The following NCOA2 variants were observed in gnomAD, a reference collection of about 807,000 sequenced individuals.
NCOA2 encodes the protein class E basic helix-loop-helix protein 75.
NCOA2 carries 21 observed loss-of-function variants against 145.1 expected under a neutral mutation model. The ratio of observed to expected loss-of-function variants is 0.14; its 90% confidence interval spans 0.10 to 0.21. The LOEUF is 0.21. Ranked by LOEUF, NCOA2 falls within the 10% of genes least tolerant of loss-of-function variation. NCOA2 has a pLI of 1.00. For synonymous variants in NCOA2, 619 were observed against 637.5 expected (o/e 0.97, Z 0.44); for missense variants, 1,472 against 1,837.6 (o/e 0.80, Z 3.64).
chr8:70,345,630 T>G (rs116098119), intron 1 of NCOA2, among the ~76,000 whole-genome samples: 434 of 152,336 alleles, frequency 2.8e-3, no homozygotes, highest in African/African-American at 9.4e-3. Context: ...ATCAACTTAT[T>G]GTGCTTAGTA....
At chr8:70,349,413 A>G (rs1312218992) in intron 1 of NCOA2, among the ~76,000 whole-genome samples, 1 of 152,190 alleles carries the variant, frequency 6.6e-6, no homozygotes, top group Non-Finnish European at 1.5e-5. Flanking sequence ...AAATTATCTC[A>G]AGTTAAATTT....
chr8:70,320,238 G>T (rs911259093), intron 1 of NCOA2, among the ~76,000 whole-genome samples: 3 of 151,590 alleles, frequency 2.0e-5, no homozygotes, highest in African/African-American at 7.3e-5. Context: ...TATATATCTG[G>T]GTCTGTTAAA....
At chr8:70,230,300 G>A (rs1182428208) in intron 2 of NCOA2, among the ~76,000 whole-genome samples, 3 of 152,190 alleles carry the variant, frequency 2.0e-5, no homozygotes, top group Non-Finnish European at 4.4e-5. Context: ...AAGGAGATTG[G>A]TGGCTGCCAA....
chr8:70,389,314 C>T (rs1323794262), intron 1 of NCOA2, among the ~76,000 whole-genome samples: 2 of 151,876 alleles, frequency 1.3e-5, no homozygotes, highest in Non-Finnish European at 2.9e-5. Flanking sequence ...CAGTTTCGCT[C>T]TTATTGCCCA....
intron 11 of NCOA2, among the ~76,000 whole-genome samples, chr8:70,155,608 T>A (rs1195168834): frequency 1.3e-5 from 2 of 152,232 alleles, no homozygotes; most frequent in Non-Finnish European, 2.9e-5. Flanking sequence ...AATTTCAGTG[T>A]CTATAAGCAA....
chr8:70,303,171 G>T (rs1827634175), intron 1 of NCOA2, among the ~76,000 whole-genome samples: 1 of 152,194 alleles, frequency 6.6e-6, no homozygotes. Context: ...GGCAGCCCTT[G>T]ACTTGAAAAT....
the NCOA2 span, among the ~76,000 whole-genome samples, chr8:70,426,244 T>A: frequency 6.6e-6 from 1 of 152,162 alleles, no homozygotes; most frequent in African/African-American, 2.4e-5. Flanking sequence ...CTGAACATGT[T>A]TCAGAGCAAG....
chr8:70,309,121 T>C (rs933317308), intron 1 of NCOA2, among the ~76,000 whole-genome samples: 4 of 152,156 alleles, frequency 2.6e-5, no homozygotes, highest in Admixed American at 6.5e-5. Context: ...GCTGGCCATG[T>C]GGAAAAGCCA....
intron 2 of NCOA2, among the ~76,000 whole-genome samples, chr8:70,221,635 G>C (rs1296739847): frequency 6.6e-6 from 1 of 152,110 alleles, no homozygotes; most frequent in Non-Finnish European, 1.5e-5. Flanking sequence ...TTTTCAAATA[G>C]GGTTAATTGG....
At chr8:70,232,248 T>C (rs972886210) in intron 2 of NCOA2, among the ~76,000 whole-genome samples, 5 of 152,144 alleles carry the variant, frequency 3.3e-5, no homozygotes, top group African/African-American at 1.2e-4. Flanking sequence ...GCCACCTCAG[T>C]TCTCTTTCAC....
rs141463274 is a variant in NCOA2, at chr8:70,210,079, A to T, written c.259+3824T>A. On this transcript the variant is annotated intron_variant, in intron 4 of 22. Transcript: ENST00000452400. ...TTCAGTATCAGAAAGCTGTGATGAC[A>T]GTGCAGATTCCAGACCCAGACTGCC... Among the ~76,000 whole-genome samples, 199 of 152,368 alleles carry T rather than the reference A, an allele frequency of 1.3e-3. 2 individuals carry two copies. The East Asian group carries it at 0.03, about 23-fold the overall frequency.
chr8:70,155,626 T>A (rs932720167), intron 11 of NCOA2, among the ~76,000 whole-genome samples: 1 of 152,386 alleles, frequency 6.6e-6, no homozygotes, highest in Admixed American at 6.5e-5. Context: ...CAATGTTTTA[T>A]CGGAGCAAAG....
the NCOA2 span, chr8:70,424,153 T>C: frequency 4.4e-6 from 1 of 224,882 alleles, no homozygotes; most frequent in African/African-American, 2.3e-5. Flanking sequence ...AGCCATAGTA[T>C]GGCCACAGTG....
At chr8:70,288,250 T>A (rs1036353481) in intron 2 of NCOA2, among the ~76,000 whole-genome samples, 2 of 152,082 alleles carry the variant, frequency 1.3e-5, no homozygotes, top group African/African-American at 4.8e-5. Context: ...CACTATGATG[T>A]GAAAGAGGAA....
chr8:70,207,108 A>T (rs1323150058), intron 4 of NCOA2, among the ~76,000 whole-genome samples: 1 of 152,218 alleles, frequency 6.6e-6, no homozygotes, highest in Non-Finnish European at 1.5e-5. Context: ...CATACGTTTT[A>T]TATATAGTAT....
intron 4 of NCOA2, among the ~76,000 whole-genome samples, chr8:70,206,328 CCT>C (rs1224838372): frequency 1.3e-5 from 2 of 152,140 alleles, no homozygotes; most frequent in Non-Finnish European, 2.9e-5. Flanking sequence ...CTGTCTTTCA[CCT>C]CTGTCATTTC....
At chr8:70,427,306 CT>C in the NCOA2 span, among the ~76,000 whole-genome samples, 3 of 152,008 alleles carry the variant, frequency 2.0e-5, no homozygotes, top group Admixed American at 2.0e-4. Context: ...AACTATGAAT[CT>C]TTAAATATAA....
At chr8:70,200,406 T>C (rs1817763095) in intron 4 of NCOA2, among the ~76,000 whole-genome samples, 1 of 152,148 alleles carries the variant, frequency 6.6e-6, no homozygotes, top group African/African-American at 2.4e-5. Flanking sequence ...GCAAGATCAC[T>C]TCCTAAGGCA....
chr8:70,236,501 A>G (rs148929339), intron 2 of NCOA2, among the ~76,000 whole-genome samples: 5 of 152,142 alleles, frequency 3.3e-5, no homozygotes, highest in African/African-American at 1.2e-4. Context: ...TAAGCCATAT[A>G]TCTTGTCCTT....
Sources: allele counts gnomAD v4.1 joint callset (sites outside exome capture counted in the v4.1 genomes callset), GRCh38; gene constraint gnomAD v4.1.1; transcripts MANE v1.5; gene names NCBI Gene and HGNC (gene_info 2026-07-23, HGNC 2026-07-21).